The following FILIP1L variants were observed in gnomAD, a reference collection of about 807,000 sequenced individuals.
FILIP1L encodes the protein filamin A-interacting protein 1-like.
FILIP1L carries 55 observed loss-of-function variants against 96.6 expected under a neutral mutation model. The observed-to-expected ratio is 0.57, with a 90% CI of 0.46 to 0.71. FILIP1L has a LOEUF of 0.71. Ranked by LOEUF, FILIP1L falls within the 30% of genes least tolerant of loss-of-function variation. The pLI is 0.00. For missense variants in FILIP1L, 1,304 were observed against 1,321.2 expected, an observed-to-expected ratio of 0.99 and a Z score of 0.20; for synonymous variants, 467 against 473.9, an observed-to-expected ratio of 0.99 and a Z score of 0.19.
intron 4 of FILIP1L, among the ~76,000 whole-genome samples, chr3:99,890,588 A>C (rs1390938941): frequency 6.6e-6 from 1 of 152,056 alleles, no homozygotes; most frequent in East Asian, 1.9e-4. Context: ...AATTTCTTTG[A>C]ATTTTTCTTC....
chr3:100,024,711 G>A (rs1369052250), intron 1 of FILIP1L, among the ~76,000 whole-genome samples: 2 of 152,172 alleles, frequency 1.3e-5, no homozygotes, highest in Non-Finnish European at 2.9e-5. Flanking sequence ...CAGCATGTGT[G>A]GGCTCAGTCC....
chr3:99,923,675 G>A (rs999952338), intron 4 of FILIP1L, among the ~76,000 whole-genome samples: 61 of 152,128 alleles, frequency 4.0e-4, no homozygotes, highest in African/African-American at 1.4e-3. Flanking sequence ...AGCTCCTCCA[G>A]TTGTTCCTCC....
chr3:99,995,561 G>A (rs1709654082), intron 1 of FILIP1L, among the ~76,000 whole-genome samples: 1 of 152,122 alleles, frequency 6.6e-6, no homozygotes, highest in Non-Finnish European at 1.5e-5. Flanking sequence ...GGACTCTGAG[G>A]GCTTCAGAGC....
intron 1 of FILIP1L, among the ~76,000 whole-genome samples, chr3:100,014,895 C>CTTT (rs1233573719): frequency 2.4e-3 from 61 of 25,012 alleles, no homozygotes; most frequent in Middle Eastern, 0.038. Flanking sequence ...TTCTTTCTTT[C>CTTT]TTTTTTTTTT....
intron 4 of FILIP1L, among the ~76,000 whole-genome samples, chr3:99,875,765 G>T (rs942298537): frequency 3.3e-5 from 5 of 152,132 alleles, no homozygotes; most frequent in African/African-American, 1.2e-4. Flanking sequence ...TTTCCCCAAA[G>T]ATTTCTCAAT....
rs1304636412 is a variant in FILIP1L, at chr3:100,066,721, C to G, written c.-11+47332G>C. Among the ~76,000 whole-genome samples the G allele has an allele frequency of 2.0e-5, 2 of 97,606 alleles. 1 individual carries two copies. Among genetic ancestry groups the G allele is most frequent in the Non-Finnish European group, 4.7e-5 (2 of 42,200 alleles). The allele number at this position is 97,606 out of a possible 152,430, so 64.0% of individuals were successfully genotyped here. On this transcript the variant is annotated intron_variant, in intron 1 of 5. Coordinates refer to ENST00000477258, the MANE Select transcript of FILIP1L (RefSeq NM_001387850.1). ...TAATTTTTTGTATTTTTAGTAGAGACGGGGTTTCACCATTTTAGCCGGGAT... is the reference window on the plus strand; with the variant it reads ...TAATTTTTTGTATTTTTAGTAGAGAGGGGGTTTCACCATTTTAGCCGGGAT...
In FILIP1L at chr3:99,849,757, T is replaced by G. The variant is rs781198757; in HGVS notation, c.1919A>C (p.Lys640Thr). 41 of 1,613,686 alleles carry G rather than the reference T, an allele frequency of 2.5e-5. No individual in the cohort carries two copies. The South Asian group carries it at 4.5e-4, about 18-fold the overall frequency. The stretch of plus-strand genomic sequence containing the variant: ...GTCATCCTCAATGGCTTTCATGTCC[T>G]TTAGCTTCAGTTTCAGTCTTTCCAC... Reference protein sequence around the residue: ...QEVERLKLKLKDMKAIEDDLM... With the variant: ...QEVERLKLKLTDMKAIEDDLM... Residue 640 changes from lysine (K) to threonine (T), a missense_variant, in exon 5 of 6, where the codon AAG (lysine) becomes ACG (threonine). Transcript: ENST00000477258.
intron 1 of FILIP1L, among the ~76,000 whole-genome samples, chr3:99,961,320 A>AT (rs904757478): frequency 5.9e-5 from 9 of 152,100 alleles, no homozygotes; most frequent in Admixed American, 2.0e-4. Context: ...TCCTCTGAGT[A>AT]TTTTTTTAAC....
chr3:100,047,135 G>C (rs889969161), intron 1 of FILIP1L, among the ~76,000 whole-genome samples: 9 of 152,090 alleles, frequency 5.9e-5, no homozygotes, highest in African/African-American at 1.9e-4. Context: ...TGGTAAAATG[G>C]GTATAATACT....
At chr3:99,904,252 T>C (rs1706537924) in intron 4 of FILIP1L, among the ~76,000 whole-genome samples, 1 of 152,246 alleles carries the variant, frequency 6.6e-6, no homozygotes, top group Non-Finnish European at 1.5e-5. Flanking sequence ...CATTAGAATG[T>C]GCTTATTTTA....
intron 4 of FILIP1L, among the ~76,000 whole-genome samples, chr3:99,881,954 G>T (rs1177358020): frequency 1.3e-5 from 2 of 152,174 alleles, no homozygotes; most frequent in Non-Finnish European, 2.9e-5. Flanking sequence ...AAGTACAATT[G>T]AACAAGTTTT....
chr3:100,062,936 A>G (rs1478150915), intron 1 of FILIP1L, among the ~76,000 whole-genome samples: 1 of 152,200 alleles, frequency 6.6e-6, no homozygotes, highest in Non-Finnish European at 1.5e-5. Flanking sequence ...AATCTCTCTG[A>G]GCCAGCAGAC....
chr3:99,842,349 T>C (rs2107507767), intron 5 of FILIP1L, among the ~76,000 whole-genome samples: 1 of 150,886 alleles, frequency 6.6e-6, no homozygotes. Flanking sequence ...GTGGGAGGGG[T>C]GTAAGGGATA....
intron 1 of FILIP1L, among the ~76,000 whole-genome samples, chr3:99,999,992 A>G (rs969546140): frequency 2.6e-5 from 4 of 152,302 alleles, no homozygotes; most frequent in African/African-American, 9.6e-5. Context: ...GCTTAAAAAC[A>G]AAAAGAAAAG....
chr3:99,975,970 C>T (rs1031926005), intron 1 of FILIP1L, among the ~76,000 whole-genome samples: 10 of 152,112 alleles, frequency 6.6e-5, no homozygotes, highest in African/African-American at 2.4e-4. Context: ...CTGCAACCTC[C>T]GCCTCCTGGG....
At chr3:100,007,693 G>C (rs1000153764) in intron 1 of FILIP1L, among the ~76,000 whole-genome samples, 1 of 152,218 alleles carries the variant, frequency 6.6e-6, no homozygotes, top group Non-Finnish European at 1.5e-5. Context: ...GTGTGTCACT[G>C]ATGGAAGCTA....
chr3:99,883,345 T>G (rs935758838), intron 4 of FILIP1L, among the ~76,000 whole-genome samples: 22 of 152,240 alleles, frequency 1.4e-4, no homozygotes, highest in Admixed American at 5.9e-4. Flanking sequence ...AAAAGTCTTT[T>G]AAATATTTGA....
At position 99,963,672 on chromosome 3, in the gene FILIP1L, C is replaced by T. The variant is rs566547700; in HGVS notation, c.-10-32642G>A. On this transcript the variant is annotated intron_variant, in intron 1 of 5. Transcript: ENST00000477258. ...TGTAGCCCAGGCTGGAGTGCAGTGG[C>T]GTGATCTCGGTTCACTGCAGCCTCG... Among the ~76,000 whole-genome samples, 5 of 151,642 alleles carry T rather than the reference C, an allele frequency of 3.3e-5. No homozygotes were observed. In the South Asian group the frequency reaches 6.3e-4, roughly 19 times the overall value.
Position 99,930,963 on chromosome 3 carries a change from T to C in FILIP1L, c.58A>G (p.Thr20Ala). 6.2e-7 allele frequency: 1 copy of C among 1,613,678 alleles called. No individual in the cohort carries two copies. The highest frequency in any genetic ancestry group is 8.5e-7 in the Non-Finnish European group (1 of 1,179,862). Residue 20 changes from threonine (T) to alanine (A), a missense_variant, in exon 2 of 6, where the codon ACT (threonine) becomes GCT (alanine). Physicochemically the swap from Thr to Ala is moderately conservative, Grantham distance 58. Coordinates refer to ENST00000477258, the MANE Select transcript of FILIP1L (RefSeq NM_001387850.1). ...GGCCCTTGGAAACTGTGGCCTTTAG[T>C]ATGTCTTGGAAATTTCTTTTGGGCT... is the stretch of plus-strand genomic sequence containing the variant. ...GSAQKKFPRH[T>A]KGHSFQGPKN...
Sources: gnomAD v4.1 joint callset for allele counts (sites outside exome capture counted in the v4.1 genomes callset) on GRCh38, gnomAD v4.1.1 for gene constraint, MANE v1.5 for transcripts, NCBI Gene and HGNC (gene_info 2026-07-23, HGNC 2026-07-21) for gene names.